Variants in RBFOX1 observed in about 807,000 individuals in gnomAD.
The protein encoded by RBFOX1 is RNA binding protein fox-1 homolog 1.
A neutral mutation model predicts 57.7 loss-of-function variants in RBFOX1; 8 were observed. The ratio of observed to expected loss-of-function variants is 0.14; its 90% CI spans 0.08 to 0.25. The LOEUF (loss-of-function observed/expected upper bound fraction) is 0.25, where lower values mean the gene tolerates loss of function less well. Ranked by LOEUF, RBFOX1 falls within the 10% of genes least tolerant of loss-of-function variation. The probability of loss-of-function intolerance (pLI) is 1.00; values close to 1 mark genes in which losing one functional copy is unlikely to be tolerated. For missense variants in RBFOX1, 611 were observed against 548.5 expected, an observed-to-expected ratio of 1.11 and a Z score of -1.14; for synonymous variants, 326 against 222.4, an observed-to-expected ratio of 1.47 and a Z score of -4.15.
At chr16:6,536,681 A>G (rs2096739888) in intron 2 of RBFOX1, among the ~76,000 whole-genome samples, 2 of 151,964 alleles carry the variant, frequency 1.3e-5, no homozygotes, top group South Asian at 2.1e-4. Context: ...TTGCTATGAT[A>G]TCTTCAGATT....
chr16:5,950,477 G>C (rs1381684394), intron 4 of RBFOX1, among the ~76,000 whole-genome samples: 1 of 152,122 alleles, frequency 6.6e-6, no homozygotes, highest in African/African-American at 2.4e-5. Flanking sequence ...TTCATTATCT[G>C]GTATTCTGAT....
At chr16:7,560,138 A>C (rs2089958210) in intron 5 of RBFOX1, among the ~76,000 whole-genome samples, 1 of 152,194 alleles carries the variant, frequency 6.6e-6, no homozygotes, top group African/African-American at 2.4e-5. Context: ...CTGGAGAAAG[A>C]CCAGTGCGAT....
At chr16:6,935,022 G>A (rs547437676) in intron 3 of RBFOX1, among the ~76,000 whole-genome samples, 5 of 152,036 alleles carry the variant, frequency 3.3e-5, no homozygotes, top group East Asian at 1.9e-4. Flanking sequence ...CAGGAGGCAG[G>A]GGTTGTTGCA....
At chr16:5,333,733 C>G (rs78482835) in intron 1 of RBFOX1, among the ~76,000 whole-genome samples, 394 of 152,306 alleles carry the variant, frequency 2.6e-3, no homozygotes, top group African/African-American at 9.1e-3. Context: ...TGCTACACAC[C>G]TAGGCTATAT....
chr16:6,785,214 T>A (rs957594319), intron 3 of RBFOX1, among the ~76,000 whole-genome samples: 1 of 152,000 alleles, frequency 6.6e-6, no homozygotes, highest in African/African-American at 2.4e-5. Context: ...AAGGAGAGAA[T>A]TTGAGGGAAT....
At chr16:6,069,165 G>T (rs893031661) in intron 1 of RBFOX1, among the ~76,000 whole-genome samples, 1 of 152,070 alleles carries the variant, frequency 6.6e-6, no homozygotes, top group Non-Finnish European at 1.5e-5. Context: ...TTGGGAGGCC[G>T]AGGCGGATGG....
chr16:6,076,299 CA>C (rs35272016), intron 1 of RBFOX1, among the ~76,000 whole-genome samples: 55,657 of 144,090 alleles, frequency 0.39, 11,461 homozygotes, highest in Non-Finnish European at 0.5. Flanking sequence ...AACTCTGTCT[CA>C]AAAAAAAAAA....
intron 2 of RBFOX1, among the ~76,000 whole-genome samples, chr16:5,588,311 C>T (rs1484238217): frequency 6.6e-6 from 1 of 152,016 alleles, no homozygotes; most frequent in Non-Finnish European, 1.5e-5. Flanking sequence ...TACTAAAACC[C>T]ATGGAATTGT....
intron 4 of RBFOX1, among the ~76,000 whole-genome samples, chr16:7,125,469 T>C (rs1367370705): frequency 1.3e-5 from 2 of 152,184 alleles, no homozygotes; most frequent in African/African-American, 4.8e-5. Flanking sequence ...ATTTCAAACC[T>C]GTCGGATGCT....
Position 6,887,697 on chromosome 16 carries a change from C to T in RBFOX1, c.-15-164360C>T, listed in dbSNP as rs894426521. On this transcript the variant is annotated intron_variant, in intron 3 of 15. Coordinates refer to ENST00000550418, the MANE Select transcript of RBFOX1 (RefSeq NM_018723.4). ...TTTTTTTTTGAGGCAGAGTCTCACTCTGTCACCCAGGTTGGAGTGCCCTGG... is the reference window on the plus strand; with the variant it reads ...TTTTTTTTTGAGGCAGAGTCTCACTTTGTCACCCAGGTTGGAGTGCCCTGG... 2.0e-5 allele frequency among the ~76,000 whole-genome samples: 3 copies of T among 150,168 alleles called. No homozygotes were observed. In the South Asian group the frequency reaches 6.3e-4, roughly 31 times the overall value.
intron 2 of RBFOX1, among the ~76,000 whole-genome samples, chr16:5,533,929 T>A (rs1277416426): frequency 6.6e-6 from 1 of 151,892 alleles, no homozygotes; most frequent in Non-Finnish European, 1.5e-5. Flanking sequence ...TGGGGGTGAT[T>A]TAAGGAGAGC....
At chr16:7,286,949 A>G (rs545278783) in intron 4 of RBFOX1, among the ~76,000 whole-genome samples, 1 of 152,200 alleles carries the variant, frequency 6.6e-6, no homozygotes, top group East Asian at 1.9e-4. Flanking sequence ...AACTTTAAAG[A>G]AGATACTGCT....
intron 1 of RBFOX1, among the ~76,000 whole-genome samples, chr16:5,266,594 C>A (rs2062865220): frequency 7.0e-6 from 1 of 142,896 alleles, no homozygotes; most frequent in Non-Finnish European, 1.5e-5. Flanking sequence ...GTCACCCAGG[C>A]TGGAGCACAG....
chr16:6,764,794 A>C (rs774953477), intron 3 of RBFOX1, among the ~76,000 whole-genome samples: 5 of 151,974 alleles, frequency 3.3e-5, no homozygotes, highest in Admixed American at 6.6e-5. Context: ...AAAATTAGCT[A>C]GGCATGGTGA....
chr16:6,009,658 C>T (rs920957153), intron 4 of RBFOX1, among the ~76,000 whole-genome samples: 1 of 152,126 alleles, frequency 6.6e-6, no homozygotes, highest in African/African-American at 2.4e-5. Context: ...TATCCATGCA[C>T]AAAGCCCTCA....
intron 3 of RBFOX1, among the ~76,000 whole-genome samples, chr16:6,839,874 C>T (rs1361874136): frequency 1.3e-5 from 2 of 152,072 alleles, no homozygotes; most frequent in African/African-American, 4.8e-5. Flanking sequence ...GTATCTTTTC[C>T]CCTCCCATCC....
chr16:5,822,369 A>G (rs950441940), intron 3 of RBFOX1, among the ~76,000 whole-genome samples: 6 of 152,164 alleles, frequency 3.9e-5, no homozygotes, highest in African/African-American at 1.4e-4. Flanking sequence ...GGTTCTCACA[A>G]ATCTCCACTA....
At chr16:6,493,893 CT>C (rs1328751439) in intron 2 of RBFOX1, among the ~76,000 whole-genome samples, 3 of 152,126 alleles carry the variant, frequency 2.0e-5, no homozygotes, top group African/African-American at 4.8e-5. Flanking sequence ...AAGAAATCAT[CT>C]TTTTTTATTA....
At chr16:6,580,508 C>T (rs1320422895) in intron 2 of RBFOX1, among the ~76,000 whole-genome samples, 1 of 152,140 alleles carries the variant, frequency 6.6e-6, no homozygotes, top group Non-Finnish European at 1.5e-5. Flanking sequence ...GACATAATCC[C>T]TTATGGTCCT....
Sources: allele counts gnomAD v4.1 joint callset (sites outside exome capture counted in the v4.1 genomes callset), GRCh38; gene constraint gnomAD v4.1.1; transcripts MANE v1.5; gene names NCBI Gene and HGNC (gene_info 2026-07-23, HGNC 2026-07-21).